PSMD7: variants seen among roughly 807,000 people sequenced by gnomAD.
PSMD7 encodes 26S proteasome non-ATPase regulatory subunit 7.
In PSMD7, 13 loss-of-function variants were observed where a neutral mutation model predicts 36.4. That is an observed-to-expected ratio of 0.36 (90% CI 0.23 to 0.57). PSMD7 has a LOEUF of 0.57. Among genes scored for constraint, PSMD7 ranks in the 20% least tolerant of loss-of-function variants. The probability of loss-of-function intolerance (pLI) is 0.83; values close to 1 mark genes in which losing one functional copy is unlikely to be tolerated. For synonymous variants in PSMD7, 186 were observed against 151.0 expected (o/e 1.23, Z -1.70); for missense variants, 298 against 393.6 (o/e 0.76, Z 2.06).
In PSMD7 at chr16:74,305,585, TCAA is replaced by T. The variant is rs1412019340; in HGVS notation, c.834_836del (p.Asn278del). Reference sequence around the variant, plus strand: ...TCCGTGGTCGCCCTGCACAACCTCATCAACAACAAGATTGCCAACCGGGATGCA... The same window carrying T: ...TCCGTGGTCGCCCTGCACAACCTCATCAACAAGATTGCCAACCGGGATGCA... On this transcript the variant is annotated inframe_deletion, in exon 7 of 7. Coordinates refer to ENST00000219313, the MANE Select transcript of PSMD7 (RefSeq NM_002811.5). 1 of 1,602,304 alleles carries T rather than the reference TCAA, an allele frequency of 6.2e-7. No individual in the cohort carries two copies.
intron 1 of PSMD7, among the ~76,000 whole-genome samples, chr16:74,298,911 G>C (rs1182857478): frequency 6.6e-6 from 1 of 152,122 alleles, no homozygotes; most frequent in Non-Finnish European, 1.5e-5. Flanking sequence ...TATCAAGTAA[G>C]TGTAGGGTTT....
At chr16:74,304,151 A>C (rs941401868) in intron 5 of PSMD7, 152 bp from the exon 6 acceptor site, 2 of 641,436 alleles carry the variant, frequency 3.1e-6, no homozygotes, top group Admixed American at 5.2e-5. Flanking sequence ...TAAGCTTTCA[A>C]AGTAAGCCTT....
chr16:74,302,674 T>TC (rs1289428162), intron 5 of PSMD7, among the ~76,000 whole-genome samples: 1 of 152,140 alleles, frequency 6.6e-6, no homozygotes, highest in Admixed American at 6.5e-5. Context: ...GCCCAGGAGT[T>TC]CAAGGTTACA....
chr16:74,301,570 T>G lies in PSMD7; in HGVS notation c.275T>G (p.Val92Gly). 1 of 1,612,948 alleles carries G rather than the reference T, an allele frequency of 6.2e-7. No homozygotes were observed. Among genetic ancestry groups the G allele is most frequent in the African/African-American group, 1.3e-5 (1 of 75,030 alleles). Residue 92 changes from valine (V) to glycine (G), a missense_variant, in exon 4 of 7, where the codon GTT becomes GGT. Val to Gly is a moderately radical substitution (Grantham distance 109, BLOSUM62 -3). Transcript: ENST00000219313. Reference protein sequence around the residue: ...FKKVNARERIVGWYHTGPKLH... With the variant: ...FKKVNARERIGGWYHTGPKLH... Reference sequence around the variant, plus strand: ...TCCTTCCTAGCCAGGGAAAGAATAGTTGGCTGGTACCACACAGGCCCTAAA... The same window carrying G: ...TCCTTCCTAGCCAGGGAAAGAATAGGTGGCTGGTACCACACAGGCCCTAAA...
Position 74,305,469 on chromosome 16 carries a change from G to T in PSMD7, c.711G>T (p.Leu237=). The T allele has an allele frequency of 6.2e-7, 1 of 1,614,146 alleles. No homozygotes were observed. Among genetic ancestry groups the T allele is most frequent in the Non-Finnish European group, 8.5e-7 (1 of 1,180,026 alleles). The change falls in exon 7 of 7, where the codon CTG becomes CTT. Residue 237 remains leucine, a synonymous_variant. Coordinates refer to ENST00000219313, the MANE Select transcript of PSMD7 (RefSeq NM_002811.5). ...AGCTGCAGGACGTCTTCAACCTGCTGCCAGATGTCAGCCTGCAGGAGTTCG... is the reference window on the plus strand; with the variant it reads ...AGCTGCAGGACGTCTTCAACCTGCTTCCAGATGTCAGCCTGCAGGAGTTCG... The part of the protein sequence containing the change: ...IYQLQDVFNL[L]PDVSLQEFVK...
Position 74,305,393 on chromosome 16 carries a change from T to C in PSMD7, c.635T>C (p.Leu212Pro). Residue 212 changes from leucine to proline, a missense_variant, in exon 7 of 7, where the codon CTG (leucine) becomes CCG (proline). Coordinates refer to ENST00000219313, the MANE Select transcript of PSMD7 (RefSeq NM_002811.5). ...NSKLLDIRSYLEKVATGKLPI... is the reference protein window; with the variant it reads ...NSKLLDIRSYPEKVATGKLPI... ...AAGCTTCTGGATATCAGGAGCTACC[T>C]GGAAAAAGTCGCCACAGGCAAGCTG... The C allele has an allele frequency of 6.2e-7, 1 of 1,614,154 alleles. No individual in the cohort carries two copies.
Position 74,305,727 on chromosome 16 carries a change from A to G in PSMD7, c.969A>G (p.Lys323=). ...TAAAGAAAGAGGAGAAAAAGGAGAA[A>G]AAGTAAAACATGTATTAAATAGCTT... ...SDVKKEEKKE[K]K The change falls in exon 7 of 7, where the codon AAA becomes AAG. Residue 323 remains lysine (K), a synonymous_variant. Coordinates refer to ENST00000219313, the MANE Select transcript of PSMD7 (RefSeq NM_002811.5). The G allele has an allele frequency of 2.1e-6, 3 of 1,426,920 alleles. No individual in the cohort carries two copies. Among genetic ancestry groups the G allele is most frequent in the Non-Finnish European group, 2.8e-6 (3 of 1,083,724 alleles). The allele number at this position is 1,426,920 out of a possible 1,614,324, so 88.4% of individuals were successfully genotyped here.
chr16:74,301,671 T>C lies in PSMD7; in HGVS notation c.357+19T>C. ...TAATTCCGTAAGTGGTGTCTATTTTTAAAACTCTTGAATGATTTTTTTTGC... is the reference window on the plus strand; with the variant it reads ...TAATTCCGTAAGTGGTGTCTATTTTCAAAACTCTTGAATGATTTTTTTTGC... On this transcript the variant is annotated intron_variant, in intron 4 of 6. Transcript: ENST00000219313. 1.3e-6 allele frequency: 2 copies of C among 1,590,220 alleles called. No individual in the cohort carries two copies. Among genetic ancestry groups the C allele is most frequent in the Non-Finnish European group, 1.7e-6 (2 of 1,160,808 alleles).
chr16:74,302,130 TA>T, intron 4 of PSMD7, 81 bp from the exon 5 acceptor site: 5 of 1,086,670 alleles, frequency 4.6e-6, no homozygotes, highest in Non-Finnish European at 7.0e-6. Context: ...GAAATAGCTT[TA>T]GTAATTGTGA....
chr16:74,301,709 G>T (rs2034156723), intron 4 of PSMD7, 57 bp downstream of exon 4: 3 of 1,393,102 alleles, frequency 2.2e-6, no homozygotes, highest in South Asian at 2.3e-5. Flanking sequence ...GCCAGCTCAA[G>T]TAAGAGCATC....
intron 1 of PSMD7, among the ~76,000 whole-genome samples, chr16:74,298,413 C>G (rs1205915960): frequency 6.6e-6 from 1 of 152,168 alleles, no homozygotes; most frequent in African/African-American, 2.4e-5. Context: ...GTCCATTCTC[C>G]CGCAACTTGC....
At chr16:74,300,057 G>A (rs1280540457) in intron 1 of PSMD7, 58 bp from the exon 2 acceptor site, 8 of 1,418,828 alleles carry the variant, frequency 5.6e-6, no homozygotes, top group South Asian at 1.1e-5. Context: ...GTATCTTATT[G>A]TTGGGTTCAT....
At chr16:74,300,491 T>G in intron 2 of PSMD7, 1 of 429,986 alleles carries the variant, frequency 2.3e-6, no homozygotes, top group South Asian at 2.9e-5. Flanking sequence ...CCAGCAAACC[T>G]CTATAAAAAC....
At chr16:74,301,874 C>G (rs148158962) in intron 4 of PSMD7, among the ~76,000 whole-genome samples, 164 of 152,210 alleles carry the variant, frequency 1.1e-3, no homozygotes, top group African/African-American at 3.8e-3. Flanking sequence ...TCGTAATCCT[C>G]TCGGTAACTG....
chr16:74,301,436 ATATGT>A (rs2034154144), intron 3 of PSMD7, 114 bp from the exon 4 acceptor site: 21 of 728,892 alleles, frequency 2.9e-5, no homozygotes, highest in Non-Finnish European at 4.8e-5. Flanking sequence ...ACCAGGGTAA[ATATGT>A]CTGGAATTTT....
At chr16:74,301,986 G>A (rs1238019879) in intron 4 of PSMD7, among the ~76,000 whole-genome samples, 3 of 152,140 alleles carry the variant, frequency 2.0e-5, no homozygotes, top group Non-Finnish European at 2.9e-5. Flanking sequence ...TGACTCTAAT[G>A]TCCTTGTGCT....
In PSMD7 at chr16:74,305,769, A is replaced by C. The variant is rs1293291820; in HGVS notation, c.*36A>C. 9 of 1,409,988 alleles carry C rather than the reference A, an allele frequency of 6.4e-6. No homozygotes were observed. The highest frequency in any genetic ancestry group is 7.4e-6 in the Non-Finnish European group (8 of 1,083,104). The allele number at this position is 1,409,988 out of a possible 1,614,324, so 87.3% of individuals were successfully genotyped here. A position where few individuals can be genotyped will look rare whatever the true frequency, so the allele number is the denominator to read the frequency against. ...AAATAGCTTTTTTAATTTGTAAATTAAAATCTTACAAACTAAATCAGTGTG... is the reference window on the plus strand; with the variant it reads ...AAATAGCTTTTTTAATTTGTAAATTCAAATCTTACAAACTAAATCAGTGTG... On this transcript the variant is annotated 3_prime_UTR_variant, in exon 7 of 7. Coordinates refer to ENST00000219313, the MANE Select transcript of PSMD7 (RefSeq NM_002811.5).
chr16:74,302,739 C>T (rs1168058267), intron 5 of PSMD7, among the ~76,000 whole-genome samples: 1 of 152,144 alleles, frequency 6.6e-6, no homozygotes, highest in African/African-American at 2.4e-5. Flanking sequence ...GAGACGCTGT[C>T]CCCCAAAAAA....
chr16:74,304,199 CATTAA>C, intron 5 of PSMD7, 99 bp from the exon 6 acceptor site: 1 of 969,116 alleles, frequency 1.0e-6, no homozygotes. Context: ...GTCATGCACT[CATTAA>C]ATGAGCTGAC....
Sources: gnomAD v4.1 joint callset for allele counts (sites outside exome capture counted in the v4.1 genomes callset) on GRCh38, gnomAD v4.1.1 for gene constraint, MANE v1.5 for transcripts, NCBI Gene and HGNC (gene_info 2026-07-23, HGNC 2026-07-21) for gene names.